PTPRT: variants seen among roughly 807,000 people sequenced by gnomAD.
The protein encoded by PTPRT is protein tyrosine phosphatase receptor type T.
A neutral mutation model predicts 176.8 loss-of-function variants in PTPRT; 56 were observed. That is an observed-to-expected ratio of 0.32 (90% confidence interval 0.26 to 0.40). PTPRT has a LOEUF of 0.40. Ranked by LOEUF, PTPRT falls within the 10% of genes least tolerant of loss-of-function variation. PTPRT has a pLI of 1.00. For synonymous variants in PTPRT, 783 were observed against 739.0 expected (o/e 1.06, Z -0.96); for missense variants, 1,540 against 1,908.2 (o/e 0.81, Z 3.60).
At chr20:42,048,418 C>T in the PTPRT span, among the ~76,000 whole-genome samples, 2 of 152,222 alleles carry the variant, frequency 1.3e-5, no homozygotes, top group Non-Finnish European at 2.9e-5. Flanking sequence ...GGAAGTGATG[C>T]CATGTGGCTT....
chr20:42,488,698 C>G (rs1249120381), intron 7 of PTPRT, among the ~76,000 whole-genome samples: 1 of 152,030 alleles, frequency 6.6e-6, no homozygotes, highest in Non-Finnish European at 1.5e-5. Flanking sequence ...GGCGCAGTGG[C>G]TCATGCCTGT....
intron 15 of PTPRT, among the ~76,000 whole-genome samples, chr20:42,220,121 T>C (rs746688122): frequency 7.2e-5 from 11 of 152,100 alleles, no homozygotes; most frequent in South Asian, 2.1e-4. Context: ...TGAATTTTCA[T>C]AAATAGTACA....
Position 42,350,638 on chromosome 20 carries a change from C to A in PTPRT, c.1855G>T (p.Ala619Ser). The stretch of plus-strand genomic sequence containing the variant: ...AAGAACCATCCTCACCTGACAGGAG[C>A]TCCCCGGGACTGAGCGGGTTTCAGC... ...VMLKPAQSRG[A>S]PVSVYQLVVK... The change falls in exon 11 of 31, where the codon GCT becomes TCT. Residue 619 changes from alanine to serine, a missense_variant. Ala to Ser is a moderately conservative substitution (Grantham distance 99). Transcript: ENST00000373187. 6.2e-7 allele frequency: 1 copy of A among 1,608,950 alleles called. No homozygotes were observed. Among genetic ancestry groups the A allele is most frequent in the Non-Finnish European group, 8.5e-7 (1 of 1,175,296 alleles).
intron 1 of PTPRT, among the ~76,000 whole-genome samples, chr20:43,086,274 A>T (rs567664757): frequency 6.6e-6 from 1 of 152,280 alleles, no homozygotes; most frequent in East Asian, 1.9e-4. Context: ...GGGCGCCCTC[A>T]CTCAACTCAT....
At chr20:42,614,540 C>A (rs1436579639) in intron 7 of PTPRT, among the ~76,000 whole-genome samples, 3 of 141,746 alleles carry the variant, frequency 2.1e-5, no homozygotes, top group African/African-American at 8.9e-5. Context: ...TCCTTTGTCA[C>A]CACCCCCTTC....
intron 9 of PTPRT, among the ~76,000 whole-genome samples, chr20:42,410,917 A>G (rs1307860199): frequency 6.6e-6 from 1 of 151,818 alleles, no homozygotes; most frequent in Non-Finnish European, 1.5e-5. Flanking sequence ...GCAGTGGGAT[A>G]CAGCTAAAGT....
intron 9 of PTPRT, among the ~76,000 whole-genome samples, chr20:42,363,298 ATATTTTT>A (rs1162183375): frequency 2.7e-4 from 6 of 22,276 alleles, no homozygotes; most frequent in African/African-American, 1.1e-3. Flanking sequence ...ATATATATAT[ATATTTTT>A]TTTTTTTTTT....
In PTPRT at chr20:42,538,284, CT is replaced by C. The variant is rs138177433; in HGVS notation, c.1154-65723del. On this transcript the variant is annotated intron_variant, in intron 7 of 30. Transcript: ENST00000373187. ...TTCCAAGCTGCTCAGCAGGACACCCCTCTCAAGGTTCCTTTTCCAAGTCTTC... is the reference window on the plus strand; with the variant it reads ...TTCCAAGCTGCTCAGCAGGACACCCCCTCAAGGTTCCTTTTCCAAGTCTTC... Among the ~76,000 whole-genome samples, 549 of 152,280 alleles carry C rather than the reference CT, an allele frequency of 3.6e-3. 5 individuals carry two copies. Among genetic ancestry groups the C allele is most frequent in the African/African-American group, 0.013 (522 of 41,564 alleles).
At chr20:42,580,755 G>A (rs910555058) in intron 7 of PTPRT, among the ~76,000 whole-genome samples, 1 of 152,184 alleles carries the variant, frequency 6.6e-6, no homozygotes, top group Non-Finnish European at 1.5e-5. Context: ...CATTGATTTT[G>A]TATCCTGAGA....
intron 16 of PTPRT, among the ~76,000 whole-genome samples, chr20:42,197,075 C>A (rs899451815): frequency 6.6e-6 from 1 of 151,994 alleles, no homozygotes; most frequent in Non-Finnish European, 1.5e-5. Context: ...GGACGACAGC[C>A]CTAGACTTTA....
intron 7 of PTPRT, among the ~76,000 whole-genome samples, chr20:42,545,466 T>C (rs1351369318): frequency 1.3e-5 from 2 of 152,120 alleles, no homozygotes; most frequent in African/African-American, 4.8e-5. Context: ...ACACCCACTA[T>C]GGCGAGATTC....
intron 27 of PTPRT, among the ~76,000 whole-genome samples, chr20:42,096,558 G>A (rs764798597): frequency 1.3e-5 from 2 of 152,142 alleles, no homozygotes; most frequent in African/African-American, 4.8e-5. Flanking sequence ...AGCCAAGATC[G>A]CACCACTGTT....
At chr20:42,813,471 T>A (rs967079500) in intron 2 of PTPRT, among the ~76,000 whole-genome samples, 4 of 151,800 alleles carry the variant, frequency 2.6e-5, no homozygotes, top group Non-Finnish European at 4.4e-5. Context: ...TTTCTCTTCC[T>A]CCCTTTATTT....
At chr20:42,590,241 T>C (rs2073545174) in intron 7 of PTPRT, among the ~76,000 whole-genome samples, 1 of 152,070 alleles carries the variant, frequency 6.6e-6, no homozygotes, top group Non-Finnish European at 1.5e-5. Flanking sequence ...CTGGCTTATA[T>C]ATAACTCCAG....
chr20:43,189,833 G>A lies in PTPRT; in HGVS notation c.-100C>T. On this transcript the variant is annotated 5_prime_UTR_variant, in exon 1 of 31. Transcript: ENST00000373187. This position sits in a 1 kb window ranked among gnomAD's most constrained non-coding sequence, Gnocchi z 5.0. ...CGCATCGCCGGCGCGGCCGCTGGCTGTGCGCGCGGCTGGCTCCGCTCGGGC... is the reference window on the plus strand; with the variant it reads ...CGCATCGCCGGCGCGGCCGCTGGCTATGCGCGCGGCTGGCTCCGCTCGGGC... The A allele has an allele frequency of 7.1e-6, 4 of 563,390 alleles. No homozygotes were observed. Among genetic ancestry groups the A allele is most frequent in the Non-Finnish European group, 9.0e-6 (4 of 443,950 alleles). 34.9% of individuals were successfully genotyped at this position (563,390 alleles called of 1,614,324 possible). A position where few individuals can be genotyped will look rare whatever the true frequency, so the allele number is the denominator to read the frequency against.
chr20:42,646,875 A>T (rs1418295278), intron 7 of PTPRT, among the ~76,000 whole-genome samples: 1 of 134,880 alleles, frequency 7.4e-6, no homozygotes, highest in African/African-American at 3.3e-5. Flanking sequence ...TCCCAACCTA[A>T]GACAGCCTTT....
intron 9 of PTPRT, among the ~76,000 whole-genome samples, chr20:42,365,814 GCCTCAGGT>G: frequency 6.6e-6 from 1 of 152,338 alleles, no homozygotes; most frequent in Middle Eastern, 3.4e-3. Flanking sequence ...ACGGCCCTGA[GCCTCAGGT>G]CCTTATCTGT....
At chr20:42,309,711 T>C (rs2057597859) in intron 12 of PTPRT, among the ~76,000 whole-genome samples, 1 of 152,196 alleles carries the variant, frequency 6.6e-6, no homozygotes, top group Admixed American at 6.5e-5. Flanking sequence ...AAACAGTTCA[T>C]AGTCTCATTC....
chr20:42,623,947 C>T (rs2074244472), intron 7 of PTPRT, among the ~76,000 whole-genome samples: 1 of 151,714 alleles, frequency 6.6e-6, no homozygotes, highest in Non-Finnish European at 1.5e-5. Context: ...CTGCAATACA[C>T]CTGAGCTCAT....
Sources: gnomAD v4.1 joint callset for allele counts (sites outside exome capture counted in the v4.1 genomes callset) on GRCh38, gnomAD v4.1.1 for gene constraint, Gnocchi (gnomAD v3.1) non-coding constraint, MANE v1.5 for transcripts, NCBI Gene and HGNC (gene_info 2026-07-23, HGNC 2026-07-21) for gene names.